The following LRBA variants were observed in gnomAD, a reference collection of about 807,000 sequenced individuals.
LRBA encodes lipopolysaccharide-responsive and beige-like anchor protein.
A neutral mutation model predicts 330.0 loss-of-function variants in LRBA; 176 were observed. That is an observed-to-expected ratio of 0.53 (90% CI 0.47 to 0.60). The LOEUF (loss-of-function observed/expected upper bound fraction) is 0.60, where lower values mean the gene tolerates loss of function less well. Ranked by LOEUF, LRBA falls within the 20% of genes least tolerant of loss-of-function variation. The probability of loss-of-function intolerance (pLI) is 0.00; values close to 1 mark genes in which losing one functional copy is unlikely to be tolerated. For synonymous variants in LRBA, 1,230 were observed against 1,193.0 expected, an observed-to-expected ratio of 1.03 and a Z score of -0.64; for missense variants, 3,259 against 3,444.8, an observed-to-expected ratio of 0.95 and a Z score of 1.35.
chr4:150,599,895 T>C (rs1191967183), intron 37 of LRBA, among the ~76,000 whole-genome samples: 1 of 152,208 alleles, frequency 6.6e-6, no homozygotes, highest in African/African-American at 2.4e-5. Context: ...TTATGTACTC[T>C]GTTTTTATAT....
At position 150,278,013 on chromosome 4, in the gene LRBA, C is replaced by T. The variant is rs201763822; in HGVS notation, c.8317-9G>A. Reference sequence around the variant, plus strand: ...CGGCTCAGCTGGATGGCCTGTGAGACACAGCAACATTCAGTAGAAATGTGG... The same window carrying T: ...CGGCTCAGCTGGATGGCCTGTGAGATACAGCAACATTCAGTAGAAATGTGG... On this transcript the variant is annotated splice_polypyrimidine_tract_variant and intron_variant, in intron 55 of 56. Transcript: ENST00000651943. The T allele has an allele frequency of 4.2e-5, 67 of 1,613,048 alleles. No individual in the cohort carries two copies. Among genetic ancestry groups the T allele is most frequent in the Admixed American group, 1.5e-4 (9 of 59,984 alleles).
intron 2 of LRBA, among the ~76,000 whole-genome samples, chr4:150,951,524 T>C (rs1238333006): frequency 6.6e-6 from 1 of 152,180 alleles, no homozygotes; most frequent in African/African-American, 2.4e-5. Flanking sequence ...GGTTTTTTCC[T>C]AATGCTGCAT....
At chr4:150,833,131 TA>T (rs1398263031) in intron 28 of LRBA, among the ~76,000 whole-genome samples, 1 of 150,486 alleles carries the variant, frequency 6.6e-6, no homozygotes, top group East Asian at 1.9e-4. Flanking sequence ...TATCAAGATT[TA>T]AAAAAAAAGG....
chr4:150,514,803 T>C (rs1762170827), intron 40 of LRBA, among the ~76,000 whole-genome samples: 1 of 152,256 alleles, frequency 6.6e-6, no homozygotes, highest in African/African-American at 2.4e-5. Context: ...CCATTTCTTC[T>C]TATTGCGTAT....
chr4:150,584,123 G>A, intron 40 of LRBA: 1 of 1,505,414 alleles, frequency 6.6e-7, no homozygotes, highest in Non-Finnish European at 8.9e-7. Context: ...GCTGGGGACT[G>A]CTTGAAAAGC....
At chr4:150,402,421 A>C (rs1252924530) in intron 47 of LRBA, among the ~76,000 whole-genome samples, 1 of 152,170 alleles carries the variant, frequency 6.6e-6, no homozygotes, top group Non-Finnish European at 1.5e-5. Context: ...GGAAGAAAAG[A>C]AACAAAAACT....
intron 47 of LRBA, among the ~76,000 whole-genome samples, chr4:150,386,158 T>C (rs17504373): frequency 0.22 from 33,121 of 152,068 alleles, 4,421 homozygotes; most frequent in Non-Finnish European, 0.31. Flanking sequence ...TTCTCAGTAT[T>C]TGGCATCATA....
chr4:150,531,882 G>T (rs1764087794), intron 40 of LRBA, among the ~76,000 whole-genome samples: 1 of 152,152 alleles, frequency 6.6e-6, no homozygotes, highest in South Asian at 2.1e-4. Flanking sequence ...GATCTCAAAT[G>T]TAAGAAATCC....
At chr4:150,501,313 C>CT (rs1332540102) in intron 40 of LRBA, among the ~76,000 whole-genome samples, 1 of 152,158 alleles carries the variant, frequency 6.6e-6, no homozygotes, top group Non-Finnish European at 1.5e-5. Flanking sequence ...CTCAGCTTCA[C>CT]TAAGTGTCTA....
intron 56 of LRBA, among the ~76,000 whole-genome samples, chr4:150,267,174 T>A (rs1745455211): frequency 6.6e-6 from 1 of 152,138 alleles, no homozygotes; most frequent in African/African-American, 2.4e-5. Context: ...ACTTGAACAA[T>A]ACGATAAGCC....
rs112351096 is a variant in LRBA at position 150,276,972 on chromosome 4, C to T, written c.8468+881G>A. Reference sequence around the variant, plus strand: ...TCATTCTAGTATAAAGACACATGCACATCTATGTTTATTGCGGCACTATTC... The same window carrying T: ...TCATTCTAGTATAAAGACACATGCATATCTATGTTTATTGCGGCACTATTC... On this transcript the variant is annotated intron_variant, in intron 56 of 56. Coordinates refer to ENST00000651943, the MANE Select transcript of LRBA (RefSeq NM_001364905.1). Among the ~76,000 whole-genome samples the T allele has an allele frequency of 6.1e-3, 926 of 152,238 alleles. 8 individuals carry two copies. The highest frequency in any genetic ancestry group is 0.018 in the African/African-American group (757 of 41,554).
rs1731585862 is a variant in LRBA, at chr4:150,908,459, C to A, written c.1368G>T (p.Lys456Asn). 6.3e-7 allele frequency: 1 copy of A among 1,591,548 alleles called. No homozygotes were observed. The highest frequency in any genetic ancestry group is 8.5e-7 in the Non-Finnish European group (1 of 1,173,702). Reference sequence around the variant, plus strand: ...TTTGGATGGAATGTGTTAAAACTGCCTTTACATCCTTGTAAGATCAAAAAC... The same window carrying A: ...TTTGGATGGAATGTGTTAAAACTGCATTTACATCCTTGTAAGATCAAAAAC... Reference protein sequence around the residue: ...SPHALMLQDVKAVLTHSIQSA... With the variant: ...SPHALMLQDVNAVLTHSIQSA... Residue 456 changes from lysine to asparagine, a missense_variant, in exon 11 of 57, where the codon AAG becomes AAT. Physicochemically the swap from Lys to Asn is moderately conservative, Grantham distance 94. Transcript: ENST00000651943.
intron 37 of LRBA, among the ~76,000 whole-genome samples, chr4:150,666,662 C>T (rs1018486897): frequency 1.3e-5 from 2 of 152,052 alleles, no homozygotes; most frequent in African/African-American, 2.4e-5. Flanking sequence ...CCATTTTATA[C>T]AAGGAACTTG....
rs1480254821 is a variant in LRBA at position 150,808,293 on chromosome 4, C to T, written c.5384+27G>A. ...AAAAGTCATCAAAAGGTATAAATCA[C>T]AATATTCAAGTTAGTAGCTTAAATA... On this transcript the variant is annotated intron_variant, in intron 32 of 56. Coordinates refer to ENST00000651943, the MANE Select transcript of LRBA (RefSeq NM_001364905.1). The T allele has an allele frequency of 2.0e-6, 3 of 1,471,284 alleles. No homozygotes were observed. In the African/African-American group the frequency reaches 4.2e-5, roughly 21 times the overall value. The allele number at this position is 1,471,284 out of a possible 1,614,324, so 91.1% of individuals were successfully genotyped here.
chr4:150,842,602 G>GA (rs927754535), intron 28 of LRBA, among the ~76,000 whole-genome samples: 4 of 152,094 alleles, frequency 2.6e-5, no homozygotes, highest in African/African-American at 9.7e-5. Context: ...ATTCCAGGGA[G>GA]AAAAAAAGTT....
chr4:150,988,659 A>T (rs1470742464), intron 2 of LRBA, among the ~76,000 whole-genome samples: 3 of 151,960 alleles, frequency 2.0e-5, no homozygotes, highest in Non-Finnish European at 4.4e-5. Flanking sequence ...GCTCACTGCA[A>T]CCTCTGTCTC....
Position 150,583,647 on chromosome 4 carries a change from A to C in LRBA, c.6330+4401T>G. ...ATCGGGTGGCCGAGGTCAAGGCCGA[A>C]GGGTTCAACTTGCTCTCGAAGGAGT... On this transcript the variant is annotated intron_variant, in intron 40 of 56. Transcript: ENST00000651943. This position sits in a 1 kb window ranked among gnomAD's most constrained non-coding sequence, Gnocchi z 9.8. 1.2e-6 allele frequency: 2 copies of C among 1,614,014 alleles called. No homozygotes were observed. Among genetic ancestry groups the C allele is most frequent in the Non-Finnish European group, 1.7e-6 (2 of 1,180,008 alleles).
At chr4:150,734,863 C>G (rs1375287282) in intron 36 of LRBA, among the ~76,000 whole-genome samples, 1 of 152,200 alleles carries the variant, frequency 6.6e-6, no homozygotes, top group African/African-American at 2.4e-5. Context: ...TTCAGCTCCT[C>G]TCTAGAAACC....
chr4:150,683,319 A>T (rs1392748534), intron 37 of LRBA, among the ~76,000 whole-genome samples: 1 of 152,226 alleles, frequency 6.6e-6, no homozygotes, highest in Non-Finnish European at 1.5e-5. Flanking sequence ...ACTGATCTAC[A>T]AAGATCCATA....
Sources: allele counts gnomAD v4.1 joint callset (sites outside exome capture counted in the v4.1 genomes callset), GRCh38; gene constraint gnomAD v4.1.1; non-coding constraint Gnocchi (gnomAD v3.1); transcripts MANE v1.5; gene names NCBI Gene and HGNC (gene_info 2026-07-23, HGNC 2026-07-21).